Variants in PITPNA observed in about 807,000 individuals in gnomAD.
PITPNA encodes phosphatidylinositol transfer protein alpha isoform.
Under a neutral mutation model 50.3 loss-of-function variants are expected in PITPNA, and 13 were observed. That is an observed-to-expected ratio of 0.26 (90% CI 0.17 to 0.41). The LOEUF is 0.41. Ranked by LOEUF, PITPNA falls within the 10% of genes least tolerant of loss-of-function variation. PITPNA has a pLI of 1.00. For missense variants in PITPNA, 207 were observed against 333.4 expected (o/e 0.62, Z 2.95); for synonymous variants, 120 against 119.6 (o/e 1.00, Z -0.02).
Position 1,518,600 on chromosome 17 carries a change from A to T in PITPNA, c.*1961T>A, listed in dbSNP as rs561920932. 2 of 152,494 alleles carry T rather than the reference A, an allele frequency of 1.3e-5. No homozygotes were observed. The highest frequency in any genetic ancestry group is 4.8e-5 in the African/African-American group (2 of 41,418). The allele number at this position is 152,494 out of a possible 1,614,324, so 9.4% of individuals were successfully genotyped here. A position where few individuals can be genotyped will look rare whatever the true frequency, so the allele number is the denominator to read the frequency against. On this transcript the variant is annotated 3_prime_UTR_variant, in exon 12 of 12. Coordinates refer to ENST00000313486, the MANE Select transcript of PITPNA (RefSeq NM_006224.4). ...TGGGGCAACAGGTGGAGGTGGGAGG[A>T]GCCCTTGTTAGGGCTAAAGTGATAT...
rs566069994 is a variant in PITPNA at position 1,530,227 on chromosome 17, T to A, written c.768+3872A>T. ...TCAAGCAAAGGCTGGTAGGGAAGCT[T>A]CAGAGAGTACTCAAGCACTGAACAT... On this transcript the variant is annotated intron_variant, in intron 10 of 11. Transcript: ENST00000313486. Among the ~76,000 whole-genome samples, 4 of 152,252 alleles carry A rather than the reference T, an allele frequency of 2.6e-5. No individual in the cohort carries two copies. In the South Asian group the frequency reaches 8.3e-4, roughly 32 times the overall value.
At chr17:1,557,710 C>T (rs2075742345) in intron 2 of PITPNA, among the ~76,000 whole-genome samples, 1 of 152,184 alleles carries the variant, frequency 6.6e-6, no homozygotes, top group African/African-American at 2.4e-5. Context: ...ATGTCAGACC[C>T]AGGAACCGTA....
intron 4 of PITPNA, among the ~76,000 whole-genome samples, chr17:1,543,350 T>C (rs1207741027): frequency 1.3e-5 from 2 of 152,162 alleles, no homozygotes. Context: ...CTCATCACTC[T>C]GGCATCAGAG....
chr17:1,558,131 T>C (rs941726236), intron 2 of PITPNA, among the ~76,000 whole-genome samples: 2 of 148,910 alleles, frequency 1.3e-5, no homozygotes, highest in African/African-American at 5.0e-5. Context: ...CTTGGGAGGC[T>C]GAGGCAGGAG....
chr17:1,528,330 G>A (rs762828862), intron 10 of PITPNA, among the ~76,000 whole-genome samples: 1 of 152,184 alleles, frequency 6.6e-6, no homozygotes. Flanking sequence ...TAGTAGAGAC[G>A]GGGTTTCTCC....
chr17:1,543,470 A>G (rs770453021), intron 4 of PITPNA, among the ~76,000 whole-genome samples: 10 of 152,124 alleles, frequency 6.6e-5, no homozygotes, highest in Non-Finnish European at 1.5e-4. Context: ...TCTCGCTGTA[A>G]TCAAACCTCC....
At chr17:1,551,741 G>A (rs1036129680) in intron 3 of PITPNA, among the ~76,000 whole-genome samples, 3 of 152,230 alleles carry the variant, frequency 2.0e-5, no homozygotes, top group African/African-American at 7.2e-5. Context: ...ACAAATACCA[G>A]AGGAGGAGCA....
chr17:1,562,587 G>T lies in PITPNA; in HGVS notation c.-27C>A. The T allele has an allele frequency of 1.6e-6, 2 of 1,280,060 alleles. No individual in the cohort carries two copies. 79.3% of individuals were successfully genotyped at this position (1,280,060 alleles called of 1,614,324 possible). A position where few individuals can be genotyped will look rare whatever the true frequency, so the allele number is the denominator to read the frequency against. Reference sequence around the variant, plus strand: ...TCGCTTCGCGGCTCGGTGGCTGCCCGCGGCCCGCCCGGCCTCCCGCCCGCT... The same window carrying T: ...TCGCTTCGCGGCTCGGTGGCTGCCCTCGGCCCGCCCGGCCTCCCGCCCGCT... On this transcript the variant is annotated 5_prime_UTR_variant, in exon 1 of 12. Coordinates refer to ENST00000313486, the MANE Select transcript of PITPNA (RefSeq NM_006224.4). The surrounding 1 kb of genome is among the most constrained non-coding windows in gnomAD (Gnocchi z 6.4).
At position 1,562,008 on chromosome 17, in the gene PITPNA, G is replaced by A. The variant is rs897951189; in HGVS notation, c.20+533C>T. On this transcript the variant is annotated intron_variant, in intron 1 of 11. Transcript: ENST00000313486. This position sits in a 1 kb window ranked among gnomAD's most constrained non-coding sequence, Gnocchi z 6.4. ...GCCTCTCAGCGCCGCCTGCAGTCCC[G>A]GCTGAGCCCGCGCCCTCGGCCCGCG... 6.6e-6 allele frequency among the ~76,000 whole-genome samples: 1 copy of A among 151,976 alleles called. No homozygotes were observed. The highest frequency in any genetic ancestry group is 1.5e-5 in the Non-Finnish European group (1 of 67,970).
chr17:1,531,850 C>T (rs1024351522), intron 10 of PITPNA, among the ~76,000 whole-genome samples: 1 of 151,936 alleles, frequency 6.6e-6, no homozygotes, highest in African/African-American at 2.4e-5. Context: ...TTTAGATAGA[C>T]AAAAAAATAA....
At chr17:1,522,806 A>T (rs2075523106) in intron 10 of PITPNA, among the ~76,000 whole-genome samples, 1 of 152,162 alleles carries the variant, frequency 6.6e-6, no homozygotes, top group South Asian at 2.1e-4. Flanking sequence ...ACATTCATCT[A>T]TGTCAGCTAG....
Position 1,520,252 on chromosome 17 carries a change from G to C in PITPNA, c.*309C>G, listed in dbSNP as rs1482835630. On this transcript the variant is annotated 3_prime_UTR_variant, in exon 12 of 12. Coordinates refer to ENST00000313486, the MANE Select transcript of PITPNA (RefSeq NM_006224.4). ...AAAATGTCACTTGGAAATAAAGGTT[G>C]GGGGAACACACAGAAATGGATCGGA... 1 of 152,498 alleles carries C rather than the reference G, an allele frequency of 6.6e-6. No individual in the cohort carries two copies. Among genetic ancestry groups the C allele is most frequent in the Non-Finnish European group, 1.5e-5 (1 of 68,034 alleles). 9.4% of individuals were successfully genotyped at this position (152,498 alleles called of 1,614,324 possible). A position where few individuals can be genotyped will look rare whatever the true frequency, so the allele number is the denominator to read the frequency against.
In PITPNA at chr17:1,562,572, GC is replaced by G; in HGVS notation, c.-13del. 2 of 1,316,534 alleles carry G rather than the reference GC, an allele frequency of 1.5e-6. No individual in the cohort carries two copies. The highest frequency in any genetic ancestry group is 2.0e-6 in the Non-Finnish European group (2 of 1,024,248). The allele number at this position is 1,316,534 out of a possible 1,614,324, so 81.6% of individuals were successfully genotyped here. On this transcript the variant is annotated 5_prime_UTR_variant, in exon 1 of 12. Transcript: ENST00000313486. This position sits in a 1 kb window ranked among gnomAD's most constrained non-coding sequence, Gnocchi z 6.4. ...TTGAGCAGCACCATGTCGCTTCGCG[GC>G]TCGGTGGCTGCCCGCGGCCCGCCCG...
chr17:1,528,107 G>A (rs917234537), intron 10 of PITPNA, among the ~76,000 whole-genome samples: 1 of 152,164 alleles, frequency 6.6e-6, no homozygotes, highest in Non-Finnish European at 1.5e-5. Flanking sequence ...GGGTGGATCA[G>A]TTGAATCCAA....
chr17:1,557,678 T>C (rs999473184), intron 2 of PITPNA, among the ~76,000 whole-genome samples: 2 of 152,222 alleles, frequency 1.3e-5, no homozygotes, highest in Admixed American at 6.5e-5. Flanking sequence ...CAAATCCTGC[T>C]GCCAGATCCC....
At chr17:1,533,697 G>A (rs967443397) in intron 10 of PITPNA, among the ~76,000 whole-genome samples, 1 of 152,174 alleles carries the variant, frequency 6.6e-6, no homozygotes, top group African/African-American at 2.4e-5. Context: ...CAGCTCCTGC[G>A]TGCGCTGTGG....
At chr17:1,538,822 TC>T (rs780441033) in intron 7 of PITPNA, 46 bp downstream of exon 7, 1 of 1,192,784 alleles carries the variant, frequency 8.4e-7, no homozygotes, top group Non-Finnish European at 1.2e-6. Flanking sequence ...CATTGAGAAG[TC>T]ATTTCTGCGT....
rs1019033812 is a variant in PITPNA at position 1,520,409 on chromosome 17, C to A, written c.*152G>T. ...ATTTGTTCACAATACTGAAGGGCAT[C>A]TAGAATTAGCTACAGTAAGGAATCG... On this transcript the variant is annotated 3_prime_UTR_variant, in exon 12 of 12. Transcript: ENST00000313486. The A allele has an allele frequency of 2.0e-5, 3 of 152,578 alleles. No individual in the cohort carries two copies. The highest frequency in any genetic ancestry group is 7.2e-5 in the African/African-American group (3 of 41,434). 9.5% of individuals were successfully genotyped at this position (152,578 alleles called of 1,614,324 possible).
intron 10 of PITPNA, among the ~76,000 whole-genome samples, chr17:1,527,114 A>G (rs575623297): frequency 6.6e-6 from 1 of 152,276 alleles, no homozygotes; most frequent in South Asian, 2.1e-4. Context: ...CCTGGGGCCT[A>G]CACGACATGA....
Sources: gnomAD v4.1 joint callset for allele counts (sites outside exome capture counted in the v4.1 genomes callset) on GRCh38, gnomAD v4.1.1 for gene constraint, Gnocchi (gnomAD v3.1) non-coding constraint, MANE v1.5 for transcripts, NCBI Gene and HGNC (gene_info 2026-07-23, HGNC 2026-07-21) for gene names.